Variants in RAG1 observed in about 807,000 individuals in gnomAD.
RAG1 encodes V(D)J recombination-activating protein 1.
Under a neutral mutation model 62.7 loss-of-function variants are expected in RAG1, and 35 were observed. That is an observed-to-expected ratio of 0.56 (90% CI 0.43 to 0.74). RAG1 has a LOEUF of 0.74. Among genes scored for constraint, RAG1 ranks in the 30% least tolerant of loss-of-function variants. The pLI is 0.00. For synonymous variants in RAG1, 461 were observed against 470.3 expected (o/e 0.98, Z 0.26); for missense variants, 1,169 against 1,278.6 (o/e 0.91, Z 1.31).
In RAG1 at chr11:36,576,365, C is replaced by T. The variant is rs1156384693; in HGVS notation, c.3061C>T (p.Pro1021Ser). The T allele has an allele frequency of 6.2e-7, 1 of 1,614,070 alleles. No homozygotes were observed. Among genetic ancestry groups the T allele is most frequent in the South Asian group, 1.1e-5 (1 of 91,078 alleles). ...ALKTSGFTMN[P>S]QASLGDPLGI... ...AAAAACCTCTGGGTTTACCATGAAC[C>T]CTCAGGCAAGCTTAGGGGACCCATT... Residue 1021 changes from proline (P) to serine (S), a missense_variant, in exon 2 of 2, where the codon CCT (proline) becomes TCT (serine). By Grantham distance (74) the Pro-to-Ser change is moderately conservative. Around this residue, in one of 2 missense-constraint regions of RAG1, gnomAD observed 800 missense variants for 943.3 expected, o/e 0.85. Coordinates refer to ENST00000299440, the MANE Select transcript of RAG1 (RefSeq NM_000448.3).
chr11:36,537,531 A>G (rs559075186), downstream of RAG1, among the ~76,000 whole-genome samples: 1 of 152,182 alleles, frequency 6.6e-6, no homozygotes, highest in Non-Finnish European at 1.5e-5. Flanking sequence ...TAGAAAAGTC[A>G]TTTTATATTA....
intron 2 of RAG1, among the ~76,000 whole-genome samples, chr11:36,527,359 G>A (rs192590954): frequency 2.0e-5 from 3 of 152,236 alleles, no homozygotes; most frequent in African/African-American, 2.4e-5. Flanking sequence ...CCCATTGCTT[G>A]TTTTTGTCAG....
chr11:36,532,748 T>G (rs973286253), intron 2 of RAG1, among the ~76,000 whole-genome samples: 1 of 152,138 alleles, frequency 6.6e-6, no homozygotes, highest in Admixed American at 6.6e-5. Context: ...ACCTGTGTTA[T>G]GAGTTTAAAA....
intron 2 of RAG1, among the ~76,000 whole-genome samples, chr11:36,531,937 GT>G (rs1860262957): frequency 6.6e-6 from 1 of 151,646 alleles, no homozygotes; most frequent in African/African-American, 2.4e-5. Flanking sequence ...ATGATGTTGC[GT>G]TTTAGATTAA....
At chr11:36,540,794 G>T (rs948026831), downstream of RAG1, among the ~76,000 whole-genome samples, 1 of 152,162 alleles carries the variant, frequency 6.6e-6, no homozygotes, top group Non-Finnish European at 1.5e-5. Flanking sequence ...TGTATGGTCC[G>T]AACTGTGGTT....
rs199474685 is a variant in RAG1, at chr11:36,574,635, C to T, written c.1331C>T (p.Ala444Val). The change falls in exon 2 of 2, where the codon GCG (alanine) becomes GTG (valine). Residue 444 changes from alanine (A) to valine (V), a missense_variant. Ala to Val is a moderately conservative substitution (Grantham distance 64, BLOSUM62 0). Transcript: ENST00000299440. ...ACCTTGTTCCTGCTGGCTCTGAGGG[C>T]GAGGAATGAGCACAGGCAAGCTGAT... ...CMTLFLLALR[A>V]RNEHRQADEL... is the part of the protein sequence containing the mutation. 15 of 1,614,018 alleles carry T rather than the reference C, an allele frequency of 9.3e-6. No individual in the cohort carries two copies. Among genetic ancestry groups the T allele is most frequent in the South Asian group, 5.5e-5 (5 of 91,078 alleles).
chr11:36,538,509 G>T (rs79215426), downstream of RAG1, among the ~76,000 whole-genome samples: 666 of 152,258 alleles, frequency 4.4e-3, 13 homozygotes, highest in East Asian at 0.031. Flanking sequence ...TTGGTTTGTT[G>T]TACACTTTGC....
At chr11:36,572,998 CAAAG>C (rs1850771453) in intron 1 of RAG1, among the ~76,000 whole-genome samples, 1 of 152,104 alleles carries the variant, frequency 6.6e-6, no homozygotes, top group South Asian at 2.1e-4. Context: ...AAAGATGAAT[CAAAG>C]ATTCTGTCCT....
downstream of RAG1, among the ~76,000 whole-genome samples, chr11:36,539,729 C>T (rs573031442): frequency 6.6e-6 from 1 of 152,306 alleles, no homozygotes; most frequent in African/African-American, 2.4e-5. Context: ...CTGCCCACCT[C>T]GGCCTCCCAA....
intron 3 of RAG1, among the ~76,000 whole-genome samples, chr11:36,549,662 G>T (rs928686479): frequency 6.6e-6 from 1 of 152,194 alleles, no homozygotes; most frequent in African/African-American, 2.4e-5. Context: ...TTACATGGTT[G>T]GTGGGAGTGT....
At chr11:36,517,421 A>AT (rs1318481904) in intron 1 of RAG1, among the ~76,000 whole-genome samples, 1 of 152,142 alleles carries the variant, frequency 6.6e-6, no homozygotes, top group Non-Finnish European at 1.5e-5. Flanking sequence ...GGAATATACA[A>AT]TTTTTTTAGA....
At chr11:36,521,140 G>A (rs1471073157) in intron 2 of RAG1, among the ~76,000 whole-genome samples, 1 of 151,872 alleles carries the variant, frequency 6.6e-6, no homozygotes, top group Non-Finnish European at 1.5e-5. Context: ...TGCATTTTTG[G>A]TAGAGACGGG....
chr11:36,560,977 G>C (rs1431092877), intron 3 of RAG1, among the ~76,000 whole-genome samples: 3 of 152,214 alleles, frequency 2.0e-5, no homozygotes, highest in African/African-American at 7.2e-5. Flanking sequence ...TCTTTGTGGA[G>C]GAGGTGAGCT....
chr11:36,577,964 CT>C lies in RAG1; in HGVS notation c.*1529del, dbSNP rs1297622458. 1 of 167,092 alleles carries C rather than the reference CT, an allele frequency of 6.0e-6. No homozygotes were observed. The highest frequency in any genetic ancestry group is 1.5e-5 in the Non-Finnish European group (1 of 68,114). The allele number at this position is 167,092 out of a possible 1,614,324, so 10.4% of individuals were successfully genotyped here. A position where few individuals can be genotyped will look rare whatever the true frequency, so the allele number is the denominator to read the frequency against. Reference sequence around the variant, plus strand: ...CAACACAAAAGCTCCAAAGGGCCCCCTAACCCTCTTGTGGCTCCAGTTATTT... The same window carrying C: ...CAACACAAAAGCTCCAAAGGGCCCCCAACCCTCTTGTGGCTCCAGTTATTT... On this transcript the variant is annotated 3_prime_UTR_variant, in exon 2 of 2. Coordinates refer to ENST00000299440, the MANE Select transcript of RAG1 (RefSeq NM_000448.3).
chr11:36,523,248 A>C (rs969320122), intron 2 of RAG1, among the ~76,000 whole-genome samples: 2 of 152,202 alleles, frequency 1.3e-5, no homozygotes, highest in African/African-American at 4.8e-5. Context: ...CCTGGTGGGA[A>C]ATGATTGAAT....
chr11:36,519,242 C>T (rs903899496), intron 1 of RAG1, among the ~76,000 whole-genome samples: 47 of 152,164 alleles, frequency 3.1e-4, no homozygotes, highest in Middle Eastern at 3.4e-3. Context: ...GAATTTTAGC[C>T]ATGACCAGAC....
chr11:36,562,891 A>T (rs1227769572), intron 3 of RAG1, among the ~76,000 whole-genome samples: 1 of 152,054 alleles, frequency 6.6e-6, no homozygotes, highest in Non-Finnish European at 1.5e-5. Context: ...CAATCTCCAT[A>T]ATTGTGTGAT....
Position 36,573,398 on chromosome 11 carries a change from C to A in RAG1, c.94C>A (p.Leu32Met). 1 of 1,614,070 alleles carries A rather than the reference C, an allele frequency of 6.2e-7. No individual in the cohort carries two copies. Among genetic ancestry groups the A allele is most frequent in the Admixed American group, 1.7e-5 (1 of 60,014 alleles). Reference protein sequence around the residue: ...HIKFSEWKFKLFRVRSFEKTP... With the variant: ...HIKFSEWKFKMFRVRSFEKTP... ...TAAATTTTCAGAATGGAAATTTAAG[C>A]TGTTCCGGGTGAGATCCTTTGAAAA... Residue 32 changes from leucine to methionine, a missense_variant, in exon 2 of 2, where the codon CTG becomes ATG. Physicochemically the swap from Leu to Met is conservative, Grantham distance 15. This residue lies in a region of RAG1 where 369 missense variants were observed against 335.3 expected (regional missense o/e 1.10). Transcript: ENST00000299440.
At chr11:36,524,414 A>G (rs1248717344) in intron 2 of RAG1, among the ~76,000 whole-genome samples, 3 of 151,722 alleles carry the variant, frequency 2.0e-5, no homozygotes, top group African/African-American at 7.3e-5. Flanking sequence ...CATTCCCACC[A>G]GCAATGTATA....
Sources: allele counts gnomAD v4.1 joint callset (sites outside exome capture counted in the v4.1 genomes callset), GRCh38; gene constraint gnomAD v4.1.1; regional missense constraint gnomAD v4.1.1; transcripts MANE v1.5; gene names NCBI Gene and HGNC (gene_info 2026-07-23, HGNC 2026-07-21).